Variants in ABCB7 observed in about 807,000 individuals in gnomAD.
ABCB7 encodes ATP binding cassette subfamily B member 7, also known as iron-sulfur clusters transporter ABCB7, mitochondrial.
A neutral mutation model predicts 54.4 loss-of-function variants in ABCB7; 7 were observed. The ratio of observed to expected loss-of-function variants is 0.13; its 90% CI spans 0.07 to 0.24. The LOEUF is 0.24. Among genes scored for constraint, ABCB7 ranks in the 10% least tolerant of loss-of-function variants. ABCB7 has a pLI of 1.00. For synonymous variants in ABCB7, 218 were observed against 207.1 expected (o/e 1.05, Z -0.45); for missense variants, 356 against 570.4 (o/e 0.62, Z 3.83).
At chrX:75,094,771 A>G (rs1332309150) in intron 4 of ABCB7, among the ~76,000 whole-genome samples, 3 of 110,433 alleles carry the variant, frequency 2.7e-5, no homozygotes, top group Non-Finnish European at 5.7e-5. Context: ...ATGATATGAT[A>G]CTCCTATGAT....
At chrX:75,110,832 T>C (rs1465294822) in intron 3 of ABCB7, among the ~76,000 whole-genome samples, 1 of 112,382 alleles carries the variant, frequency 8.9e-6, no homozygotes, top group Non-Finnish European at 1.9e-5. Context: ...TTTCAAATAC[T>C]GAAATTGCCA....
intron 6 of ABCB7, 106 bp downstream of exon 6, chrX:75,075,256 T>C: frequency 3.2e-6 from 3 of 928,688 alleles, no homozygotes; most frequent in South Asian, 4.5e-5. Context: ...TCATGGAATT[T>C]TGCTTTCAAG....
chrX:75,117,710 G>A (rs2081835494), intron 1 of ABCB7, among the ~76,000 whole-genome samples: 1 of 111,482 alleles, frequency 9.0e-6, no homozygotes, highest in East Asian at 2.8e-4. Context: ...CAGGACCATG[G>A]GATATGGGGA....
At chrX:75,096,468 T>C (rs907771763) in intron 4 of ABCB7, among the ~76,000 whole-genome samples, 2 of 111,768 alleles carry the variant, frequency 1.8e-5, no homozygotes, top group African/African-American at 6.5e-5. Flanking sequence ...TTCCTCTATT[T>C]ACTTCCCTAG....
At chrX:75,091,366 G>GA (rs1002631716) in intron 4 of ABCB7, among the ~76,000 whole-genome samples, 7 of 110,051 alleles carry the variant, frequency 6.4e-5, no homozygotes, top group Non-Finnish European at 1.3e-4. Flanking sequence ...GATGGCAGAT[G>GA]AAAAAAAATC....
chrX:75,086,156 T>C (rs965893170), intron 4 of ABCB7, among the ~76,000 whole-genome samples: 6 of 111,418 alleles, frequency 5.4e-5, no homozygotes, highest in Non-Finnish European at 1.1e-4. Flanking sequence ...CTCAGGAACT[T>C]ATAAAACATT....
intron 1 of ABCB7, among the ~76,000 whole-genome samples, chrX:75,155,759 G>A (rs1162785910): frequency 4.5e-5 from 5 of 110,934 alleles, no homozygotes; most frequent in Non-Finnish European, 9.4e-5. Flanking sequence ...ATTACTAATT[G>A]GGGAAAATAA....
At chrX:75,151,018 G>T (rs2082128354) in intron 1 of ABCB7, among the ~76,000 whole-genome samples, 1 of 111,016 alleles carries the variant, frequency 9.0e-6, no homozygotes. Context: ...GACTGGAAGA[G>T]GGGATAGGTT....
At chrX:75,153,728 CTGTG>C (rs767240527) in intron 1 of ABCB7, among the ~76,000 whole-genome samples, 6 of 70,418 alleles carry the variant, frequency 8.5e-5, no homozygotes, top group African/African-American at 1.9e-4. Context: ...ACATGTGGGA[CTGTG>C]TGTGTGTGTG....
intron 5 of ABCB7, 72 bp from the exon 6 acceptor site, chrX:75,075,702 G>T: frequency 9.8e-7 from 1 of 1,018,890 alleles, no homozygotes; most frequent in South Asian, 2.1e-5. Flanking sequence ...AATGACAAGG[G>T]CTCAGAAAAT....
intron 8 of ABCB7, among the ~76,000 whole-genome samples, chrX:75,071,986 T>C (rs1316580168): frequency 1.8e-5 from 2 of 111,362 alleles, no homozygotes; most frequent in Non-Finnish European, 1.9e-5. Flanking sequence ...AGACTCTGAA[T>C]TGACAATTCC....
intron 1 of ABCB7, among the ~76,000 whole-genome samples, chrX:75,125,687 T>G (rs1211769659): frequency 9.0e-6 from 1 of 111,450 alleles, no homozygotes; most frequent in Non-Finnish European, 1.9e-5. Flanking sequence ...TTCTAATTCC[T>G]ATTCCATTAT....
At chrX:75,108,316 G>A (rs1569234746) in intron 3 of ABCB7, among the ~76,000 whole-genome samples, 1 of 111,506 alleles carries the variant, frequency 9.0e-6, no homozygotes, top group Non-Finnish European at 1.9e-5. Flanking sequence ...GGCAAAGAAT[G>A]TGGGCCTGGC....
rs764284454 is a variant in ABCB7, at chrX:75,128,003, C to T, written c.169-13172G>A. On this transcript the variant is annotated intron_variant, in intron 1 of 15. Coordinates refer to ENST00000373394, the MANE Select transcript of ABCB7 (RefSeq NM_001271696.3). Reference sequence around the variant, plus strand: ...GCTCATGGATAGGAAGAATCAATATCGTGAAAATGGCTATACTGCCCAAAG... The same window carrying T: ...GCTCATGGATAGGAAGAATCAATATTGTGAAAATGGCTATACTGCCCAAAG... Among the ~76,000 whole-genome samples the T allele has an allele frequency of 2.6e-3, 294 of 111,630 alleles. 1 individual carries two copies. Among genetic ancestry groups the T allele is most frequent in the African/African-American group, 8.6e-3 (265 of 30,756 alleles).
chrX:75,071,048 G>C (rs1442315520), intron 9 of ABCB7, among the ~76,000 whole-genome samples: 1 of 109,794 alleles, frequency 9.1e-6, no homozygotes, highest in Admixed American at 9.8e-5. Context: ...CTAACTGAGT[G>C]GGGGTGGGGA....
chrX:75,144,463 G>A (rs758739476), intron 1 of ABCB7, among the ~76,000 whole-genome samples: 1 of 111,484 alleles, frequency 9.0e-6, no homozygotes, highest in East Asian at 2.8e-4. Flanking sequence ...AATCAATAGG[G>A]AGCCTTTTTT....
intron 3 of ABCB7, among the ~76,000 whole-genome samples, chrX:75,105,855 C>A (rs1399339182): frequency 9.0e-6 from 1 of 111,467 alleles, no homozygotes; most frequent in Non-Finnish European, 1.9e-5. Flanking sequence ...ACTAACAGAT[C>A]TTTGACAAAG....
chrX:75,143,388 T>C (rs1208934845), intron 1 of ABCB7, among the ~76,000 whole-genome samples: 1 of 111,865 alleles, frequency 8.9e-6, no homozygotes, highest in Non-Finnish European at 1.9e-5. Context: ...ATTATCATTA[T>C]CAGCATTTTG....
chrX:75,069,270 A>G, intron 11 of ABCB7, 21 bp downstream of exon 11: 1 of 1,208,441 alleles, frequency 8.3e-7, no homozygotes, highest in Non-Finnish European at 1.1e-6. Context: ...ACAGAATTTT[A>G]CAAATAACTA....
Sources: gnomAD v4.1 joint callset for allele counts (sites outside exome capture counted in the v4.1 genomes callset) on GRCh38, gnomAD v4.1.1 for gene constraint, MANE v1.5 for transcripts, NCBI Gene and HGNC (gene_info 2026-07-23, HGNC 2026-07-21) for gene names.